TENM3: variants seen among roughly 807,000 people sequenced by gnomAD.
The protein encoded by TENM3 is teneurin transmembrane protein 3.
TENM3 carries 63 observed loss-of-function variants against 255.1 expected under a neutral mutation model. The observed-to-expected ratio is 0.25, with a 90% confidence interval of 0.20 to 0.30. TENM3 has a LOEUF of 0.30. Ranked by LOEUF, TENM3 falls within the 10% of genes least tolerant of loss-of-function variation. The pLI is 1.00. For synonymous variants in TENM3, 1,306 were observed against 1,322.3 expected (o/e 0.99, Z 0.27); for missense variants, 2,929 against 3,461.1 (o/e 0.85, Z 3.86).
At chr4:181,589,487 G>A in the TENM3 span, among the ~76,000 whole-genome samples, 1 of 152,088 alleles carries the variant, frequency 6.6e-6, no homozygotes, top group African/African-American at 2.4e-5. Context: ...AACATGGTAA[G>A]GTAAACACTT....
the TENM3 span, among the ~76,000 whole-genome samples, chr4:181,946,957 C>G: frequency 3.9e-5 from 6 of 152,196 alleles, no homozygotes; most frequent in Admixed American, 3.9e-4. Context: ...ATGGTTACAT[C>G]AGAAACACTG....
the TENM3 span, among the ~76,000 whole-genome samples, chr4:181,788,321 C>T: frequency 1.2e-3 from 190 of 152,236 alleles, no homozygotes; most frequent in African/African-American, 3.3e-3. Context: ...AAGAACAGAA[C>T]GTCATGAATG....
At chr4:181,833,234 C>T in the TENM3 span, among the ~76,000 whole-genome samples, 3 of 152,124 alleles carry the variant, frequency 2.0e-5, no homozygotes, top group African/African-American at 7.2e-5. Context: ...CCTTCCCTCT[C>T]CTGATCCTCA....
chr4:181,533,692 T>G, the TENM3 span, among the ~76,000 whole-genome samples: 1 of 152,094 alleles, frequency 6.6e-6, no homozygotes, highest in Non-Finnish European at 1.5e-5. Flanking sequence ...TTTAAACTAT[T>G]TTCAGAGCCA....
chr4:182,155,597 G>T (rs1326244175), intron 1 of TENM3, among the ~76,000 whole-genome samples: 1 of 151,912 alleles, frequency 6.6e-6, no homozygotes, highest in Non-Finnish European at 1.5e-5. Flanking sequence ...TTTCATAATT[G>T]GTGTAAATGT....
At chr4:181,465,280 GAAA>G in the TENM3 span, among the ~76,000 whole-genome samples, 962 of 142,798 alleles carry the variant, frequency 6.7e-3, 11 homozygotes, top group African/African-American at 0.023. Context: ...AAAGACAACT[GAAA>G]AAAAAAAAAA....
chr4:182,141,067 G>T (rs1749381254), upstream of TENM3: 1 of 151,618 alleles, frequency 6.6e-6, no homozygotes, highest in African/African-American at 2.4e-5. Context: ...CTAGGCGAGG[G>T]TTGCTGGGCC....
chr4:182,203,314 C>T (rs1754328574), intron 1 of TENM3, among the ~76,000 whole-genome samples: 1 of 152,160 alleles, frequency 6.6e-6, no homozygotes, highest in Admixed American at 6.5e-5. Context: ...ACTCACACCC[C>T]CAACTTCAGG....
the TENM3 span, among the ~76,000 whole-genome samples, chr4:181,946,422 C>T: frequency 5.3e-5 from 8 of 152,280 alleles, no homozygotes; most frequent in East Asian, 1.9e-4. Flanking sequence ...TCTTTCAAGA[C>T]GTGGCTCTAA....
At chr4:181,703,779 A>T in the TENM3 span, among the ~76,000 whole-genome samples, 4 of 146,482 alleles carry the variant, frequency 2.7e-5, no homozygotes, top group Non-Finnish European at 3.0e-5. Context: ...TCTTTAATGG[A>T]TGGAAGTTCT....
the TENM3 span, among the ~76,000 whole-genome samples, chr4:182,101,074 G>A: frequency 2.2e-3 from 9 of 4,086 alleles, no homozygotes; most frequent in Non-Finnish European, 4.5e-3. Context: ...GGAAAAGAAA[G>A]GAAGGGAGGG....
the TENM3 span, among the ~76,000 whole-genome samples, chr4:182,063,537 C>T: frequency 1.3e-5 from 2 of 152,174 alleles, no homozygotes; most frequent in African/African-American, 4.8e-5. Flanking sequence ...GCTCCCAAAA[C>T]ATCGAAGTAT....
the TENM3 span, among the ~76,000 whole-genome samples, chr4:181,579,663 G>A: frequency 1.3e-5 from 2 of 152,226 alleles, no homozygotes; most frequent in African/African-American, 4.8e-5. Flanking sequence ...TTTCAACTCG[G>A]CATCTTTTTT....
At chr4:181,521,939 A>G in the TENM3 span, among the ~76,000 whole-genome samples, 1 of 151,842 alleles carries the variant, frequency 6.6e-6, no homozygotes, top group Admixed American at 6.6e-5. Flanking sequence ...TAATTTAAAA[A>G]AAAAATAAAA....
intron 1 of TENM3, among the ~76,000 whole-genome samples, chr4:182,162,575 A>G (rs1751427288): frequency 1.3e-5 from 2 of 152,182 alleles, no homozygotes; most frequent in South Asian, 4.1e-4. Flanking sequence ...TAGCCTGTTC[A>G]TGCTGCTGTA....
chr4:181,453,509 G>A, the TENM3 span, among the ~76,000 whole-genome samples: 2 of 152,170 alleles, frequency 1.3e-5, no homozygotes, highest in Non-Finnish European at 2.9e-5. Flanking sequence ...TGATTGGGTT[G>A]GAGACATCCA....
chr4:181,778,142 T>C, the TENM3 span, among the ~76,000 whole-genome samples: 1 of 152,108 alleles, frequency 6.6e-6, no homozygotes, highest in South Asian at 2.1e-4. Context: ...ATTTTTTTAT[T>C]TTAATTAATA....
intron 3 of TENM3, among the ~76,000 whole-genome samples, chr4:182,397,907 AGTGGC>A (rs1438930611): frequency 6.6e-6 from 1 of 152,166 alleles, no homozygotes; most frequent in Non-Finnish European, 1.5e-5. Flanking sequence ...ATAACGATCA[AGTGGC>A]ACCCCTAGGT....
the TENM3 span, among the ~76,000 whole-genome samples, chr4:181,762,396 C>T: frequency 6.6e-6 from 1 of 152,174 alleles, no homozygotes; most frequent in South Asian, 2.1e-4. Flanking sequence ...TTCCCCCCTG[C>T]CCACGTCCAT....
Sources: gnomAD v4.1 joint callset for allele counts (sites outside exome capture counted in the v4.1 genomes callset) on GRCh38, gnomAD v4.1.1 for gene constraint, MANE v1.5 for transcripts, NCBI Gene and HGNC (gene_info 2026-07-23, HGNC 2026-07-21) for gene names.